MAST4: variants seen among roughly 807,000 people sequenced by gnomAD.
The protein encoded by MAST4 is microtubule associated serine/threonine kinase family member 4.
A neutral mutation model predicts 162.7 loss-of-function variants in MAST4; 89 were observed. The observed-to-expected ratio is 0.55, with a 90% CI of 0.46 to 0.65. The LOEUF (loss-of-function observed/expected upper bound fraction) is 0.65, where lower values mean the gene tolerates loss of function less well. MAST4 is among the 30% of genes least tolerant of loss of function. MAST4 has a pLI of 0.00. For synonymous variants in MAST4, 1,479 were observed against 1,361.1 expected, an observed-to-expected ratio of 1.09 and a Z score of -1.91; for missense variants, 3,153 against 3,374.0, an observed-to-expected ratio of 0.93 and a Z score of 1.62.
Position 67,152,683 on chromosome 5 carries a change from C to G in MAST4, c.3342C>G (p.Ser1114=). The part of the protein sequence containing the change: ...SPLGSPMSPH[S]LSSDPSSSRD... ...TGGGAAGTCCAATGTCTCCCCATTCCCTGTCCTCGGACCCTTCTTCTTCAC... is the reference window on the plus strand; with the variant it reads ...TGGGAAGTCCAATGTCTCCCCATTCGCTGTCCTCGGACCCTTCTTCTTCAC... Residue 1114 remains serine, a synonymous_variant, in exon 25 of 29, where the codon TCC becomes TCG. Transcript: ENST00000403625. The G allele has an allele frequency of 6.2e-7, 1 of 1,614,072 alleles. No homozygotes were observed. The highest frequency in any genetic ancestry group is 8.5e-7 in the Non-Finnish European group (1 of 1,179,908).
Position 66,878,982 on chromosome 5 carries a change from T to A in MAST4, c.643-20969T>A, listed in dbSNP as rs546986841. Among the ~76,000 whole-genome samples, 5 of 152,296 alleles carry A rather than the reference T, an allele frequency of 3.3e-5. No homozygotes were observed. In the East Asian group the frequency reaches 9.7e-4, roughly 29 times the overall value. On this transcript the variant is annotated intron_variant, in intron 3 of 28. Transcript: ENST00000403625. ...AGGAAATGATTCTCAACTACCCTTA[T>A]AAGAAAAGTACAATGGGCCGGGCGT...
chr5:66,668,022 G>A (rs1747371328), intron 1 of MAST4, among the ~76,000 whole-genome samples: 1 of 152,112 alleles, frequency 6.6e-6, no homozygotes, highest in African/African-American at 2.4e-5. Flanking sequence ...ATTTAAATGA[G>A]GAAGTAATTC....
chr5:66,856,314 G>A (rs981289438), intron 3 of MAST4, among the ~76,000 whole-genome samples: 1 of 152,206 alleles, frequency 6.6e-6, no homozygotes, highest in African/African-American at 2.4e-5. Flanking sequence ...CGATTGTGTG[G>A]TGTAGGTGTC....
intron 1 of MAST4, among the ~76,000 whole-genome samples, chr5:66,655,807 C>T (rs1746507039): frequency 6.6e-6 from 1 of 152,176 alleles, no homozygotes; most frequent in Non-Finnish European, 1.5e-5. Context: ...CATTAGTAAA[C>T]AGGCCAACCT....
intron 4 of MAST4, among the ~76,000 whole-genome samples, chr5:66,997,286 T>C (rs1214505793): frequency 6.6e-6 from 1 of 152,166 alleles, no homozygotes; most frequent in East Asian, 1.9e-4. Context: ...ATGTATATGT[T>C]TTCCTTCTCC....
chr5:66,859,889 C>T (rs1324967244), intron 3 of MAST4, among the ~76,000 whole-genome samples: 2 of 152,172 alleles, frequency 1.3e-5, no homozygotes, highest in Non-Finnish European at 2.9e-5. Context: ...TTGTTTATGG[C>T]TCTTTTAGAA....
chr5:67,152,942 T>A (rs762186133), intron 25 of MAST4, 76 bp downstream of exon 25: 1 of 1,181,982 alleles, frequency 8.5e-7, no homozygotes, highest in South Asian at 1.4e-5. Flanking sequence ...GGCTGATAAA[T>A]AGCAAATATA....
chr5:66,789,972 T>C lies in MAST4; in HGVS notation c.642+1178T>C, dbSNP rs183303065. On this transcript the variant is annotated intron_variant, in intron 3 of 28. Coordinates refer to ENST00000403625, the MANE Select transcript of MAST4 (RefSeq NM_001164664.2). ...TTACCCCGGTGTAGACCTTTATGTT[T>C]AACATGCTTATTAGAATTTTTTTTT... 2.0e-5 allele frequency among the ~76,000 whole-genome samples: 3 copies of C among 149,856 alleles called. No individual in the cohort carries two copies. The East Asian group carries it at 6.0e-4, about 30-fold the overall frequency.
intron 1 of MAST4, among the ~76,000 whole-genome samples, chr5:66,686,451 A>C (rs1462689677): frequency 6.6e-6 from 1 of 152,244 alleles, no homozygotes; most frequent in African/African-American, 2.4e-5. Flanking sequence ...TGAGATTTAA[A>C]AATGGGATCA....
chr5:66,772,195 T>C (rs1271190325), intron 2 of MAST4, among the ~76,000 whole-genome samples: 1 of 152,072 alleles, frequency 6.6e-6, no homozygotes, highest in Non-Finnish European at 1.5e-5. Context: ...GGAGATAAGG[T>C]AGGGAAAGGT....
chr5:66,776,696 C>T (rs573972933), intron 2 of MAST4, among the ~76,000 whole-genome samples: 1 of 152,204 alleles, frequency 6.6e-6, no homozygotes, highest in Non-Finnish European at 1.5e-5. Context: ...TCAATACACA[C>T]AGACTTAAAT....
chr5:66,898,738 A>T (rs457408), intron 3 of MAST4, among the ~76,000 whole-genome samples: 53,377 of 151,926 alleles, frequency 0.35, 10,491 homozygotes, highest in Non-Finnish European at 0.46. Context: ...TTGCTTTTGA[A>T]CAGTTATGAT....
chr5:66,858,771 G>T (rs1309777288), intron 3 of MAST4, among the ~76,000 whole-genome samples: 2 of 152,012 alleles, frequency 1.3e-5, no homozygotes, highest in Non-Finnish European at 1.5e-5. Flanking sequence ...GGGAGTATTT[G>T]AGCCTTTCCT....
intron 1 of MAST4, among the ~76,000 whole-genome samples, chr5:66,622,263 A>G (rs190804769): frequency 6.2e-4 from 94 of 152,272 alleles, no homozygotes; most frequent in Middle Eastern, 3.4e-3. Context: ...CAGCAAGTGC[A>G]AAGGCCCTGA....
intron 3 of MAST4, among the ~76,000 whole-genome samples, chr5:66,802,058 G>A (rs2149698205): frequency 6.6e-6 from 1 of 152,090 alleles, no homozygotes; most frequent in East Asian, 1.9e-4. Flanking sequence ...CTTAGTTTTG[G>A]GCTTTTCATT....
chr5:66,871,008 C>T (rs1473878725), intron 3 of MAST4, among the ~76,000 whole-genome samples: 3 of 152,126 alleles, frequency 2.0e-5, no homozygotes, highest in Non-Finnish European at 4.4e-5. Context: ...AAATCAAGAC[C>T]ATACACGTCA....
intron 4 of MAST4, among the ~76,000 whole-genome samples, chr5:67,013,978 T>C (rs1021108227): frequency 2.0e-5 from 3 of 152,156 alleles, no homozygotes; most frequent in African/African-American, 7.2e-5. Context: ...ATAATTCCTG[T>C]AAAAATATTA....
At chr5:66,827,091 G>C (rs951338493) in intron 3 of MAST4, among the ~76,000 whole-genome samples, 5 of 152,174 alleles carry the variant, frequency 3.3e-5, no homozygotes, top group Non-Finnish European at 5.9e-5. Context: ...ATAGAACAAG[G>C]CTGGCCCTTT....
chr5:66,971,039 G>A (rs1747369216), intron 4 of MAST4, among the ~76,000 whole-genome samples: 1 of 152,228 alleles, frequency 6.6e-6, no homozygotes, highest in South Asian at 2.1e-4. Flanking sequence ...TCAAGCATCT[G>A]GTTGGAGAGC....
Sources: gnomAD v4.1 joint callset for allele counts (sites outside exome capture counted in the v4.1 genomes callset) on GRCh38, gnomAD v4.1.1 for gene constraint, MANE v1.5 for transcripts, NCBI Gene and HGNC (gene_info 2026-07-23, HGNC 2026-07-21) for gene names.